LTK: variants seen among roughly 807,000 people sequenced by gnomAD.
LTK encodes leukocyte receptor tyrosine kinase, also known as leukocyte tyrosine kinase receptor.
LTK carries 117 observed loss-of-function variants against 101.5 expected under a neutral mutation model. That is an observed-to-expected ratio of 1.15 (90% CI 0.99 to 1.34). The LOEUF (loss-of-function observed/expected upper bound fraction) is 1.34. Among genes scored for constraint, LTK ranks in the 40% most tolerant of loss-of-function variants. The pLI is 0.00. For synonymous variants in LTK, 563 were observed against 494.2 expected, an observed-to-expected ratio of 1.14 and a Z score of -1.85; for missense variants, 1,252 against 1,164.7, an observed-to-expected ratio of 1.07 and a Z score of -1.09.
chr15:41,510,659 A>T (rs2051427495), intron 7 of LTK, among the ~76,000 whole-genome samples: 1 of 151,996 alleles, frequency 6.6e-6, no homozygotes. Context: ...ACAGGGTTTC[A>T]CAGGTTGGCC....
intron 1 of LTK, 21 bp downstream of exon 1, chr15:41,513,644 CCT>C (rs1458241557): frequency 2.5e-6 from 4 of 1,611,978 alleles, no homozygotes; most frequent in African/African-American, 2.7e-5. Flanking sequence ...TGGACGGTCC[CCT>C]GACCGCCAGA....
Position 41,503,808 on chromosome 15 carries a change from T to G in LTK, c.*188A>C. The G allele has an allele frequency of 1.4e-6, 1 of 698,406 alleles. No homozygotes were observed. The highest frequency in any genetic ancestry group is 1.9e-5 in the South Asian group (1 of 53,280). The allele number at this position is 698,406 out of a possible 1,614,324, so 43.3% of individuals were successfully genotyped here. On this transcript the variant is annotated 3_prime_UTR_variant, in exon 20 of 20. Transcript: ENST00000263800. ...AGCTGGAAGTGGCTGGGCCCTTCCCTGGGAGGCCTGGGCTGGTTTCCAGCA... is the reference window on the plus strand; with the variant it reads ...AGCTGGAAGTGGCTGGGCCCTTCCCGGGGAGGCCTGGGCTGGTTTCCAGCA...
rs1595452831 is a variant in LTK, at chr15:41,503,915, A to C, written c.*81T>G. On this transcript the variant is annotated 3_prime_UTR_variant, in exon 20 of 20. Transcript: ENST00000263800. The stretch of plus-strand genomic sequence containing the variant: ...ACTGCAGGGAACAGAGGCCGCTGGC[A>C]TAACAGGCCACCCAGGAGCCTGAGG... 2.0e-6 allele frequency: 3 copies of C among 1,472,152 alleles called. No individual in the cohort carries two copies. The highest frequency in any genetic ancestry group is 1.4e-5 in the African/African-American group (1 of 70,842). 91.2% of individuals were successfully genotyped at this position (1,472,152 alleles called of 1,614,324 possible). A position where few individuals can be genotyped will look rare whatever the true frequency, so the allele number is the denominator to read the frequency against.
chr15:41,508,696 G>A (rs1388126734), intron 8 of LTK, among the ~76,000 whole-genome samples: 1 of 152,176 alleles, frequency 6.6e-6, no homozygotes, highest in Admixed American at 6.5e-5. Flanking sequence ...GAGAAGCTGG[G>A]GGACTTCTGT....
chr15:41,506,491 C>T (rs554625572), intron 11 of LTK, among the ~76,000 whole-genome samples: 3 of 151,648 alleles, frequency 2.0e-5, no homozygotes, highest in Admixed American at 6.6e-5. Flanking sequence ...TTTTAGTAGA[C>T]ACAGGGTTTC....
intron 12 of LTK, 62 bp downstream of exon 12, chr15:41,505,853 T>A: frequency 6.2e-7 from 1 of 1,601,000 alleles, no homozygotes; most frequent in Non-Finnish European, 8.5e-7. Context: ...GCTCTAGTCA[T>A]TGTCCTTCCC....
At chr15:41,513,227 G>A in intron 1 of LTK, 107 bp from the exon 2 acceptor site, 8 of 1,277,738 alleles carry the variant, frequency 6.3e-6, no homozygotes, top group South Asian at 1.5e-5. Flanking sequence ...GGCCACACCC[G>A]TCACCCGGCC....
intron 11 of LTK, among the ~76,000 whole-genome samples, 197 bp from the exon 12 acceptor site, chr15:41,506,202 G>A (rs1381627502): frequency 2.0e-5 from 3 of 152,262 alleles, no homozygotes; most frequent in African/African-American, 7.2e-5. Context: ...GGGCAAAAAA[G>A]AGGGCAGATG....
rs370582280 is a variant in LTK, at chr15:41,505,409, G to A, written c.1819C>T (p.Pro607Ser). 21 of 1,614,010 alleles carry A rather than the reference G, an allele frequency of 1.3e-5. 1 individual carries two copies. The highest frequency in any genetic ancestry group is 3.3e-4 in the Middle Eastern group (2 of 6,062). The change falls in exon 14 of 20, where the codon CCA becomes TCA. Residue 607 changes from proline (P) to serine (S), a missense_variant. Pro to Ser is a moderately conservative substitution (Grantham distance 74, BLOSUM62 -1). Transcript: ENST00000263800. ...TAAGACAAGGGTCTCACCAGGTGTG[G>A]CCGACTGTGCCTCAGGAAACTCTTC... ...DMKSFLRHSR[P>S]HLGQPSPLVM...
chr15:41,509,061 T>C lies in LTK; in HGVS notation c.1066A>G (p.Ser356Gly), dbSNP rs1421988396. 1 of 1,613,216 alleles carries C rather than the reference T, an allele frequency of 6.2e-7. No individual in the cohort carries two copies. Among genetic ancestry groups the C allele is most frequent in the East Asian group, 2.2e-5 (1 of 44,880 alleles). The change falls in exon 8 of 20, where the codon AGC becomes GGC. Residue 356 changes from serine (S) to glycine (G), a missense_variant. Coordinates refer to ENST00000263800, the MANE Select transcript of LTK (RefSeq NM_002344.6). ...GEDGVSFIHP[S>G]SELFLQPLAV... ...AGAGGCTGCAGGAAGAGCTCGCTGCTGGGGTGTATGAAGGATACTCCATCT... is the reference window on the plus strand; with the variant it reads ...AGAGGCTGCAGGAAGAGCTCGCTGCCGGGGTGTATGAAGGATACTCCATCT...
intron 13 of LTK, 46 bp from the exon 14 acceptor site, chr15:41,505,576 A>G (rs2051249985): frequency 6.2e-7 from 1 of 1,612,230 alleles, no homozygotes; most frequent in Non-Finnish European, 8.5e-7. Context: ...GGGAGACGGA[A>G]ACCATGTTTT....
At position 41,504,590 on chromosome 15, in the gene LTK, T is replaced by C. The variant is rs200739696; in HGVS notation, c.2171A>G (p.Tyr724Cys). Reference protein sequence around the residue: ...WEIFSLGYMPYPGRTNQEVLD... With the variant: ...WEIFSLGYMPCPGRTNQEVLD... ...CACCTCCTGGTTGGTGCGCCCAGGA[T>C]AGGGCATGTAGCCCAGTGAGAAGAT... Residue 724 changes from tyrosine (Y) to cysteine (C), a missense_variant, in exon 18 of 20, where the codon TAT becomes TGT. Tyr to Cys is a radical substitution (Grantham distance 194). Transcript: ENST00000263800. 2 of 1,613,798 alleles carry C rather than the reference T, an allele frequency of 1.2e-6. No individual in the cohort carries two copies. Among genetic ancestry groups the C allele is most frequent in the Middle Eastern group, 1.7e-4 (1 of 6,060 alleles).
At position 41,511,830 on chromosome 15, in the gene LTK, G is replaced by T; in HGVS notation, c.644C>A (p.Thr215Asn). Reference protein sequence around the residue: ...AGGGGGGGGATYVFRVRAGEL... With the variant: ...AGGGGGGGGANYVFRVRAGEL... ...GGGAGCACGTACCCGGAAAACGTAG[G>T]TGGCGCCCCCGCCACCCCCGCCACC... The change falls in exon 5 of 20, where the codon ACC (threonine) becomes AAC (asparagine). Residue 215 changes from threonine (T) to asparagine (N), a missense_variant. Physicochemically the swap from Thr to Asn is moderately conservative, Grantham distance 65. Coordinates refer to ENST00000263800, the MANE Select transcript of LTK (RefSeq NM_002344.6). The surrounding 1 kb of genome is among the most constrained non-coding windows in gnomAD (Gnocchi z 5.9). The T allele has an allele frequency of 1.3e-6, 2 of 1,487,576 alleles. No homozygotes were observed. Among genetic ancestry groups the T allele is most frequent in the Non-Finnish European group, 8.9e-7 (1 of 1,128,902 alleles). The allele number at this position is 1,487,576 out of a possible 1,614,324, so 92.1% of individuals were successfully genotyped here.
At position 41,505,490 on chromosome 15, in the gene LTK, T is replaced by G. The variant is rs1435664254; in HGVS notation, c.1738A>C (p.Ser580Arg). ...HQNIVRCVGLSLRATPRLILL... is the reference protein window; with the variant it reads ...HQNIVRCVGLRLRATPRLILL... ...ATGAGGCGAGGGGTGGCCCTGAGGC[T>G]GAGCCCCACACACCGCACAATGTTC... The change falls in exon 14 of 20, where the codon AGC (serine) becomes CGC (arginine). Residue 580 changes from serine (S) to arginine (R), a missense_variant. Coordinates refer to ENST00000263800, the MANE Select transcript of LTK (RefSeq NM_002344.6). 6.2e-7 allele frequency: 1 copy of G among 1,614,026 alleles called. No individual in the cohort carries two copies. The highest frequency in any genetic ancestry group is 1.7e-5 in the Admixed American group (1 of 60,002).
At position 41,505,701 on chromosome 15, in the gene LTK, T is replaced by C. The variant is rs771717790; in HGVS notation, c.1697+12A>G. ...TCCCGCCTTCCAGCCCTGCCCCTGG[T>C]CCCAGGTGCACCTGATGATGAGGGC... On this transcript the variant is annotated intron_variant, in intron 13 of 19. Transcript: ENST00000263800. 5 of 1,613,124 alleles carry C rather than the reference T, an allele frequency of 3.1e-6. No homozygotes were observed. The East Asian group carries it at 8.9e-5, about 29-fold the overall frequency.
At position 41,513,640 on chromosome 15, in the gene LTK, G is replaced by A. The variant is rs369954654; in HGVS notation, c.43+27C>T. On this transcript the variant is annotated intron_variant, in intron 1 of 19. Coordinates refer to ENST00000263800, the MANE Select transcript of LTK (RefSeq NM_002344.6). ...CTAGGAAAGTGCCTCAGGCTGGACG[G>A]TCCCCTGACCGCCAGATAGCACTTA... 3.1e-6 allele frequency: 5 copies of A among 1,611,308 alleles called. No homozygotes were observed. In the African/African-American group the frequency reaches 6.7e-5, roughly 22 times the overall value.
Position 41,508,114 on chromosome 15 carries a change from A to G in LTK, c.1204T>C (p.Cys402Arg). ...ACAGCTAGCTCCATGCCTTCTGGGC[A>G]CAGGCATTCAGCCAGCTGGAGCTCT... ...QAELQLAECL[C>R]PEGMELAVDN... Residue 402 changes from cysteine (C) to arginine (R), a missense_variant, in exon 9 of 20, where the codon TGC becomes CGC. Coordinates refer to ENST00000263800, the MANE Select transcript of LTK (RefSeq NM_002344.6). 1 of 1,613,478 alleles carries G rather than the reference A, an allele frequency of 6.2e-7. No homozygotes were observed. The highest frequency in any genetic ancestry group is 8.5e-7 in the Non-Finnish European group (1 of 1,179,828).
Position 41,513,017 on chromosome 15 carries a change from C to T in LTK, c.147G>A (p.Pro49=), listed in dbSNP as rs144899424. 5.3e-5 allele frequency: 85 copies of T among 1,612,890 alleles called. No homozygotes were observed. Among genetic ancestry groups the T allele is most frequent in the Non-Finnish European group, 7.0e-5 (82 of 1,179,804 alleles). ...PSPRDPKVSA[P]PSILEPASPL... ...GGGAGGCTGGCTCCAAGATACTAGG[C>T]GGGGCGCTGACTTTCGGGTCCCGGG... Residue 49 remains proline (P), a synonymous_variant, in exon 2 of 20, where the codon CCG becomes CCA. Transcript: ENST00000263800.
intron 10 of LTK, 124 bp from the exon 11 acceptor site, chr15:41,507,414 C>G: frequency 6.6e-7 from 1 of 1,519,712 alleles, no homozygotes. Flanking sequence ...TCCCCAGCTC[C>G]TTCCTATCTT....
Sources: gnomAD v4.1 joint callset for allele counts (sites outside exome capture counted in the v4.1 genomes callset) on GRCh38, gnomAD v4.1.1 for gene constraint, Gnocchi (gnomAD v3.1) non-coding constraint, MANE v1.5 for transcripts, NCBI Gene and HGNC (gene_info 2026-07-23, HGNC 2026-07-21) for gene names.